The following PHLPP1 variants were observed in gnomAD, a reference collection of about 807,000 sequenced individuals.
The protein encoded by PHLPP1 is PH domain leucine-rich repeat-containing protein phosphatase 1.
In PHLPP1, 42 loss-of-function variants were observed where a neutral mutation model predicts 117.2. That is an observed-to-expected ratio of 0.36 (90% CI 0.28 to 0.46). PHLPP1 has a LOEUF of 0.46. Among genes scored for constraint, PHLPP1 ranks in the 20% least tolerant of loss-of-function variants. The pLI is 1.00. For synonymous variants in PHLPP1, 1,042 were observed against 970.7 expected (o/e 1.07, Z -1.37); for missense variants, 2,084 against 2,241.9 (o/e 0.93, Z 1.42).
chr18:62,766,103 A>ATATATATATATATATATATATATATG (rs1491171718), intron 1 of PHLPP1, among the ~76,000 whole-genome samples: 1 of 53,352 alleles, frequency 1.9e-5, no homozygotes, highest in Non-Finnish European at 4.0e-5. Context: ...ATATATATAT[A>ATATATATATATATATATATATATATG]AAATATATAT....
chr18:62,736,831 C>T (rs928651759), intron 1 of PHLPP1, among the ~76,000 whole-genome samples: 56 of 152,244 alleles, frequency 3.7e-4, no homozygotes, highest in African/African-American at 1.2e-3. Context: ...TGTGGTAACT[C>T]TCAGGAAGTG....
intron 1 of PHLPP1, among the ~76,000 whole-genome samples, chr18:62,783,395 CT>C (rs1913182116): frequency 6.6e-6 from 1 of 151,876 alleles, no homozygotes; most frequent in Non-Finnish European, 1.5e-5. Context: ...GTCTAGCTAA[CT>C]TTTTTGTATT....
chr18:62,805,184 A>G (rs1226850220), intron 1 of PHLPP1, among the ~76,000 whole-genome samples: 1 of 142,916 alleles, frequency 7.0e-6, no homozygotes, highest in African/African-American at 2.6e-5. Flanking sequence ...TATACAGTAT[A>G]ATATACACTG....
At chr18:62,880,540 T>C (rs1423451385) in intron 4 of PHLPP1, among the ~76,000 whole-genome samples, 2 of 152,186 alleles carry the variant, frequency 1.3e-5, no homozygotes, top group African/African-American at 4.8e-5. Context: ...AATATTTTTA[T>C]TTGTCCTAGT....
At chr18:62,751,250 G>A (rs1911845081) in intron 1 of PHLPP1, among the ~76,000 whole-genome samples, 1 of 152,188 alleles carries the variant, frequency 6.6e-6, no homozygotes, top group Non-Finnish European at 1.5e-5. Flanking sequence ...TAAATGTGAA[G>A]CATATAGAAT....
At chr18:62,874,061 G>A (rs772325995) in intron 4 of PHLPP1, among the ~76,000 whole-genome samples, 1 of 151,456 alleles carries the variant, frequency 6.6e-6, no homozygotes, top group African/African-American at 2.4e-5. Flanking sequence ...GTGCATGCCT[G>A]TAATCCCAGC....
At chr18:62,789,661 CT>C (rs1182769615) in intron 1 of PHLPP1, among the ~76,000 whole-genome samples, 1 of 152,112 alleles carries the variant, frequency 6.6e-6, no homozygotes, top group Non-Finnish European at 1.5e-5. Context: ...TACTTTTTAT[CT>C]TCAAGTTCCT....
intron 9 of PHLPP1, among the ~76,000 whole-genome samples, chr18:62,917,705 T>G (rs914704549): frequency 6.6e-6 from 1 of 150,854 alleles, no homozygotes; most frequent in Non-Finnish European, 1.5e-5. Context: ...CCCAGCTACT[T>G]GGAAGGCTTG....
At chr18:62,809,623 A>G (rs189235996) in intron 1 of PHLPP1, among the ~76,000 whole-genome samples, 1 of 151,934 alleles carries the variant, frequency 6.6e-6, no homozygotes, top group African/African-American at 2.4e-5. Context: ...AATCACTTGA[A>G]CCTGGGAGGC....
chr18:62,810,953 A>G (rs1476826706), intron 1 of PHLPP1, among the ~76,000 whole-genome samples: 1 of 152,204 alleles, frequency 6.6e-6, no homozygotes, highest in Non-Finnish European at 1.5e-5. Context: ...AGTTAAGATG[A>G]GATCATACTG....
chr18:62,883,671 A>T (rs1916217297), intron 4 of PHLPP1, among the ~76,000 whole-genome samples: 1 of 152,182 alleles, frequency 6.6e-6, no homozygotes, highest in Non-Finnish European at 1.5e-5. Context: ...GCCATCAGTT[A>T]TACTTTTAGA....
At chr18:62,954,700 G>T (rs961486754) in intron 12 of PHLPP1, among the ~76,000 whole-genome samples, 3 of 152,076 alleles carry the variant, frequency 2.0e-5, no homozygotes, top group Admixed American at 1.3e-4. Context: ...TAAAGAAAAT[G>T]GTTGCATTCT....
At chr18:62,923,195 G>A (rs1909528115) in intron 10 of PHLPP1, among the ~76,000 whole-genome samples, 1 of 152,204 alleles carries the variant, frequency 6.6e-6, no homozygotes, top group Non-Finnish European at 1.5e-5. Context: ...GACCGTGGGG[G>A]ACAATTTGCC....
At chr18:62,720,942 C>G (rs991907668) in intron 1 of PHLPP1, among the ~76,000 whole-genome samples, 10 of 152,102 alleles carry the variant, frequency 6.6e-5, no homozygotes, top group Admixed American at 1.3e-4. Context: ...AACTGATGCA[C>G]AGAGAGATCT....
chr18:62,884,322 A>G (rs949510449), intron 4 of PHLPP1, among the ~76,000 whole-genome samples: 2 of 152,238 alleles, frequency 1.3e-5, no homozygotes, highest in African/African-American at 4.8e-5. Context: ...TGCTTATCTC[A>G]GGAGGGTAGG....
intron 14 of PHLPP1, among the ~76,000 whole-genome samples, chr18:62,968,142 C>T (rs1910955737): frequency 6.6e-6 from 1 of 152,170 alleles, no homozygotes; most frequent in African/African-American, 2.4e-5. Flanking sequence ...ATATTTCTTA[C>T]ATGCTGCTGG....
chr18:62,793,766 T>A (rs1913535456), intron 1 of PHLPP1, among the ~76,000 whole-genome samples: 1 of 152,202 alleles, frequency 6.6e-6, no homozygotes, highest in African/African-American at 2.4e-5. Context: ...CACAGGCCTG[T>A]CTGACTCTAG....
intron 8 of PHLPP1, 97 bp downstream of exon 8, chr18:62,905,381 G>C: frequency 5.9e-6 from 3 of 508,886 alleles, no homozygotes; most frequent in Non-Finnish European, 9.8e-6. Context: ...ATATTTTGAA[G>C]GTAAATGCTA....
intron 1 of PHLPP1, among the ~76,000 whole-genome samples, chr18:62,764,079 C>T (rs1380704872): frequency 6.8e-6 from 1 of 147,332 alleles, no homozygotes; most frequent in East Asian, 2.2e-4. Context: ...AGAAGAATCG[C>T]TTGAACCCGG....
Sources: gnomAD v4.1 joint callset for allele counts (sites outside exome capture counted in the v4.1 genomes callset) on GRCh38, gnomAD v4.1.1 for gene constraint, MANE v1.5 for transcripts, NCBI Gene and HGNC (gene_info 2026-07-23, HGNC 2026-07-21) for gene names.